ARL15: variants seen among roughly 807,000 people sequenced by gnomAD.
The protein encoded by ARL15 is ADP-ribosylation factor-like protein 15.
A neutral mutation model predicts 25.2 loss-of-function variants in ARL15; 19 were observed. The observed-to-expected ratio is 0.75, with a 90% confidence interval of 0.53 to 1.10. The LOEUF is 1.10. Ranked by LOEUF, ARL15 falls within the 50% of genes least tolerant of loss-of-function variation. ARL15 has a pLI of 0.00. For synonymous variants in ARL15, 94 were observed against 86.8 expected, an observed-to-expected ratio of 1.08 and a Z score of -0.46; for missense variants, 220 against 246.0, an observed-to-expected ratio of 0.89 and a Z score of 0.71.
At chr5:54,263,651 C>T (rs1426686199) in intron 1 of ARL15, among the ~76,000 whole-genome samples, 2 of 152,126 alleles carry the variant, frequency 1.3e-5, no homozygotes, top group African/African-American at 4.8e-5. Flanking sequence ...ATTTGGATGA[C>T]TTCCAAAATT....
At chr5:53,887,339 C>T (rs138015091) in intron 4 of ARL15, 7,430 of 699,614 alleles carry the variant, frequency 0.011, 62 homozygotes, top group Non-Finnish European at 0.015. Flanking sequence ...TACATATATG[C>T]GTAAAATCTT....
At chr5:53,928,629 T>C (rs1746105395) in intron 4 of ARL15, among the ~76,000 whole-genome samples, 1 of 152,140 alleles carries the variant, frequency 6.6e-6, no homozygotes, top group Non-Finnish European at 1.5e-5. Context: ...TCCCCTAATA[T>C]CCATTCATAT....
intron 1 of ARL15, among the ~76,000 whole-genome samples, chr5:54,227,076 T>G (rs1756544905): frequency 6.6e-6 from 1 of 152,216 alleles, no homozygotes; most frequent in African/African-American, 2.4e-5. Flanking sequence ...CAATTAAAAC[T>G]TTTTCCTTTA....
intron 4 of ARL15, among the ~76,000 whole-genome samples, chr5:54,046,333 T>C (rs186250059): frequency 8.2e-4 from 124 of 152,002 alleles, no homozygotes; most frequent in Non-Finnish European, 1.4e-3. Flanking sequence ...ATACAAAAAT[T>C]AGCCAGGCAT....
intron 4 of ARL15, among the ~76,000 whole-genome samples, chr5:53,939,707 C>T (rs1746471941): frequency 6.6e-6 from 1 of 151,610 alleles, no homozygotes; most frequent in Non-Finnish European, 1.5e-5. Context: ...TGCACTCCAG[C>T]CTGGAGATAA....
At chr5:54,310,149 G>C in intron 1 of ARL15, 1 of 413,296 alleles carries the variant, frequency 2.4e-6, no homozygotes, top group South Asian at 6.4e-5. Context: ...GGCAGGGGAC[G>C]CGCCGCCGCG....
intron 4 of ARL15, among the ~76,000 whole-genome samples, chr5:53,976,777 G>C (rs574759610): frequency 1.3e-5 from 2 of 152,296 alleles, no homozygotes; most frequent in East Asian, 3.9e-4. Context: ...TAGATCAAGG[G>C]AGGCAGGTGT....
intron 1 of ARL15, among the ~76,000 whole-genome samples, chr5:54,178,892 G>C (rs980695737): frequency 2.0e-5 from 3 of 152,184 alleles, no homozygotes; most frequent in Non-Finnish European, 4.4e-5. Context: ...GGATTTGTCA[G>C]AGCTGCTTGA....
intron 3 of ARL15, among the ~76,000 whole-genome samples, chr5:54,122,666 G>A (rs1312311364): frequency 1.3e-5 from 2 of 152,052 alleles, no homozygotes; most frequent in Non-Finnish European, 2.9e-5. Context: ...GCCATTTGTA[G>A]GCAAGTACTC....
chr5:53,900,092 C>T (rs2111934990), intron 4 of ARL15, among the ~76,000 whole-genome samples: 1 of 152,192 alleles, frequency 6.6e-6, no homozygotes, highest in East Asian at 1.9e-4. Flanking sequence ...CTTAAACTGG[C>T]CTAAAAAGAT....
chr5:54,008,484 CCT>C (rs1296532577), intron 4 of ARL15, among the ~76,000 whole-genome samples: 5 of 152,186 alleles, frequency 3.3e-5, no homozygotes, highest in African/African-American at 9.7e-5. Context: ...AGACTTTTGA[CCT>C]CTCTCTTTCT....
chr5:54,170,474 G>A (rs1754683865), intron 2 of ARL15, among the ~76,000 whole-genome samples: 1 of 152,146 alleles, frequency 6.6e-6, no homozygotes, highest in South Asian at 2.1e-4. Flanking sequence ...AGTATGAAAG[G>A]TCTGCTAAGA....
chr5:54,192,855 C>G (rs191065104), intron 1 of ARL15, among the ~76,000 whole-genome samples: 5 of 152,238 alleles, frequency 3.3e-5, no homozygotes, highest in African/African-American at 9.6e-5. Context: ...TCAGAACACA[C>G]AGATAACCAT....
chr5:54,303,263 T>A (rs1195294957), intron 1 of ARL15, among the ~76,000 whole-genome samples: 1 of 152,154 alleles, frequency 6.6e-6, no homozygotes, highest in Non-Finnish European at 1.5e-5. Flanking sequence ...GGCTCACGCC[T>A]GTGATCCTAG....
intron 4 of ARL15, among the ~76,000 whole-genome samples, chr5:53,978,072 C>T (rs1397692742): frequency 6.6e-6 from 1 of 152,032 alleles, no homozygotes; most frequent in Non-Finnish European, 1.5e-5. Flanking sequence ...CCAAAAAGGT[C>T]TAGGTCATGT....
intron 1 of ARL15, among the ~76,000 whole-genome samples, chr5:54,176,000 G>C (rs895121941): frequency 2.0e-5 from 3 of 152,038 alleles, no homozygotes; most frequent in Admixed American, 1.3e-4. Flanking sequence ...CCAGTCCCAT[G>C]GTTTCAATCA....
intron 1 of ARL15, among the ~76,000 whole-genome samples, chr5:54,221,323 T>A (rs1756367921): frequency 6.6e-6 from 1 of 152,164 alleles, no homozygotes; most frequent in African/African-American, 2.4e-5. Flanking sequence ...TGGGAAGATG[T>A]CCAGGCAAAT....
chr5:54,069,578 A>AC (rs1299028145), intron 4 of ARL15, among the ~76,000 whole-genome samples: 16 of 148,694 alleles, frequency 1.1e-4, no homozygotes, highest in Non-Finnish European at 2.2e-4. Flanking sequence ...AAAAAAAAAA[A>AC]AAAAAACCAC....
intron 4 of ARL15, among the ~76,000 whole-genome samples, chr5:53,982,342 C>CA (rs1319698060): frequency 6.8e-6 from 1 of 146,860 alleles, no homozygotes; most frequent in Non-Finnish European, 1.5e-5. Flanking sequence ...CCTACCCCCC[C>CA]ACCCCCTGAC....
Sources: allele counts gnomAD v4.1 joint callset (sites outside exome capture counted in the v4.1 genomes callset), GRCh38; gene constraint gnomAD v4.1.1; transcripts MANE v1.5; gene names NCBI Gene and HGNC (gene_info 2026-07-23, HGNC 2026-07-21).